EPHA6: variants seen among roughly 807,000 people sequenced by gnomAD.
EPHA6 encodes ephrin type-A receptor 6.
A neutral mutation model predicts 112.0 loss-of-function variants in EPHA6; 50 were observed. The observed-to-expected ratio is 0.45, with a 90% CI of 0.36 to 0.56. The LOEUF (loss-of-function observed/expected upper bound fraction) is 0.56, where lower values mean the gene tolerates loss of function less well. Ranked by LOEUF, EPHA6 falls within the 20% of genes least tolerant of loss-of-function variation. The pLI is 0.00. For missense variants in EPHA6, 1,280 were observed against 1,417.4 expected, an observed-to-expected ratio of 0.90 and a Z score of 1.56; for synonymous variants, 529 against 490.7, an observed-to-expected ratio of 1.08 and a Z score of -1.03.
chr3:97,601,128 T>A lies in EPHA6; in HGVS notation c.2512+8391T>A, dbSNP rs182561338. ...ATTGAGAGCATACCTACTCCCTAGATATCTTCATGTTTTATTATTACAGAT... is the reference window on the plus strand; with the variant it reads ...ATTGAGAGCATACCTACTCCCTAGAAATCTTCATGTTTTATTATTACAGAT... On this transcript the variant is annotated intron_variant, in intron 12 of 17. Coordinates refer to ENST00000389672, the MANE Select transcript of EPHA6 (RefSeq NM_001080448.3). 7.9e-4 allele frequency among the ~76,000 whole-genome samples: 120 copies of A among 152,270 alleles called. 1 individual carries two copies. The East Asian group carries it at 0.015, about 19-fold the overall frequency.
intron 3 of EPHA6, among the ~76,000 whole-genome samples, chr3:97,004,865 A>G (rs1160210848): frequency 1.3e-5 from 2 of 152,218 alleles, no homozygotes; most frequent in East Asian, 3.9e-4. Flanking sequence ...TTTAATGAAT[A>G]GGAGATCCTT....
intron 14 of EPHA6, among the ~76,000 whole-genome samples, chr3:97,697,686 T>TG (rs2033126913): frequency 6.6e-6 from 1 of 152,196 alleles, no homozygotes; most frequent in African/African-American, 2.4e-5. Flanking sequence ...CAATTTGGCT[T>TG]GGAGGTGTGT....
At chr3:97,640,546 G>A (rs192370715) in intron 14 of EPHA6, among the ~76,000 whole-genome samples, 68 of 152,100 alleles carry the variant, frequency 4.5e-4, no homozygotes, top group East Asian at 5.8e-4. Context: ...CGAGGGGAGC[G>A]GATCACCTGA....
intron 5 of EPHA6, among the ~76,000 whole-genome samples, chr3:97,403,499 T>A (rs1392855242): frequency 3.9e-5 from 6 of 152,224 alleles, no homozygotes; most frequent in Non-Finnish European, 8.8e-5. Context: ...CAGGCTGGAA[T>A]GCAGTGGCAC....
At chr3:97,668,740 C>A (rs971537581) in intron 14 of EPHA6, among the ~76,000 whole-genome samples, 1 of 151,362 alleles carries the variant, frequency 6.6e-6, no homozygotes, top group African/African-American at 2.4e-5. Context: ...ATGGCAAAAA[C>A]CTGTCTCTAC....
intron 5 of EPHA6, among the ~76,000 whole-genome samples, chr3:97,294,926 G>A (rs371617206): frequency 6.6e-6 from 1 of 152,010 alleles, no homozygotes; most frequent in African/African-American, 2.4e-5. Flanking sequence ...AGCCTATAAG[G>A]TTTCTTTAGA....
Position 97,492,159 on chromosome 3 carries a change from T to A in EPHA6, c.2200+8100T>A, listed in dbSNP as rs963720572. ...TTTGCTATTTTGTCTCTAAGACTAT[T>A]TTTGCTTTGCACCCCCTAATGAATG... On this transcript the variant is annotated intron_variant, in intron 10 of 17. Coordinates refer to ENST00000389672, the MANE Select transcript of EPHA6 (RefSeq NM_001080448.3). Among the ~76,000 whole-genome samples, 32 of 133,286 alleles carry A rather than the reference T, an allele frequency of 2.4e-4. 1 individual carries two copies. The highest frequency in any genetic ancestry group is 2.2e-3 in the Admixed American group (30 of 13,470). 87.4% of individuals were successfully genotyped at this position (133,286 alleles called of 152,430 possible). A position where few individuals can be genotyped will look rare whatever the true frequency, so the allele number is the denominator to read the frequency against.
chr3:97,637,175 T>TA (rs1429087134), intron 13 of EPHA6, among the ~76,000 whole-genome samples: 1 of 152,164 alleles, frequency 6.6e-6, no homozygotes, highest in Non-Finnish European at 1.5e-5. Context: ...TTGATACTGA[T>TA]ACCATGCCTG....
intron 13 of EPHA6, among the ~76,000 whole-genome samples, chr3:97,637,267 T>C (rs1332183782): frequency 2.0e-5 from 3 of 152,182 alleles, no homozygotes; most frequent in African/African-American, 7.2e-5. Context: ...GCTAACAACT[T>C]TTCTGTCTTC....
intron 10 of EPHA6, among the ~76,000 whole-genome samples, chr3:97,501,019 A>G (rs1298532548): frequency 6.6e-6 from 1 of 152,114 alleles, no homozygotes; most frequent in Non-Finnish European, 1.5e-5. Flanking sequence ...TGAAACCAAC[A>G]CTTACTATTT....
intron 3 of EPHA6, among the ~76,000 whole-genome samples, chr3:97,098,130 T>C (rs2047298395): frequency 6.6e-6 from 1 of 151,884 alleles, no homozygotes; most frequent in Non-Finnish European, 1.5e-5. Flanking sequence ...TTTTGGGTGG[T>C]ATCATTAATG....
chr3:97,580,718 C>T (rs561498199), intron 11 of EPHA6, among the ~76,000 whole-genome samples: 11 of 152,094 alleles, frequency 7.2e-5, no homozygotes, highest in Non-Finnish European at 1.6e-4. Flanking sequence ...AGTCTGTTTC[C>T]GTTTTCTCCC....
intron 3 of EPHA6, among the ~76,000 whole-genome samples, chr3:97,144,510 A>C (rs2075992045): frequency 6.7e-6 from 1 of 150,226 alleles, no homozygotes; most frequent in South Asian, 2.1e-4. Context: ...CTGCAATCTT[A>C]ATTTTAGACA....
intron 3 of EPHA6, among the ~76,000 whole-genome samples, chr3:97,021,188 G>A (rs953039153): frequency 1.3e-5 from 2 of 152,164 alleles, no homozygotes; most frequent in Admixed American, 6.5e-5. Context: ...AACTTGGACT[G>A]TATAGCCTAA....
intron 10 of EPHA6, among the ~76,000 whole-genome samples, chr3:97,519,098 A>G (rs564687125): frequency 6.6e-6 from 1 of 152,216 alleles, no homozygotes; most frequent in East Asian, 1.9e-4. Flanking sequence ...TGTGTTCCCT[A>G]TGTTTTCTTC....
intron 6 of EPHA6, among the ~76,000 whole-genome samples, chr3:97,407,552 G>A (rs13318197): frequency 0.016 from 2,420 of 151,830 alleles, 79 homozygotes; most frequent in African/African-American, 0.055. Context: ...TGCTTTATGG[G>A]TTATAATTAG....
intron 7 of EPHA6, among the ~76,000 whole-genome samples, chr3:97,464,448 A>G (rs1047318507): frequency 1.3e-5 from 2 of 152,130 alleles, no homozygotes; most frequent in African/African-American, 4.8e-5. Context: ...ATGGTGAAGC[A>G]ATAGAGAAAT....
At chr3:97,320,675 G>A (rs2082066141) in intron 5 of EPHA6, among the ~76,000 whole-genome samples, 1 of 151,770 alleles carries the variant, frequency 6.6e-6, no homozygotes, top group Non-Finnish European at 1.5e-5. Context: ...ATTCTGCTGA[G>A]GTATAGCAGA....
chr3:97,000,002 C>T (rs1025460036), intron 3 of EPHA6, among the ~76,000 whole-genome samples: 1 of 151,788 alleles, frequency 6.6e-6, no homozygotes. Context: ...ATTGACTGAA[C>T]CCATCTGTTC....
Sources: allele counts gnomAD v4.1 joint callset (sites outside exome capture counted in the v4.1 genomes callset), GRCh38; gene constraint gnomAD v4.1.1; transcripts MANE v1.5; gene names NCBI Gene and HGNC (gene_info 2026-07-23, HGNC 2026-07-21).